The following KMT2C variants were observed in gnomAD, a reference collection of about 807,000 sequenced individuals.
KMT2C encodes histone-lysine N-methyltransferase 2C.
A neutral mutation model predicts 507.9 loss-of-function variants in KMT2C; 88 were observed. The observed-to-expected ratio is 0.17, with a 90% CI of 0.15 to 0.21. KMT2C has a LOEUF of 0.21. Among genes scored for constraint, KMT2C ranks in the 10% least tolerant of loss-of-function variants. The probability of loss-of-function intolerance (pLI) is 1.00; values close to 1 mark genes in which losing one functional copy is unlikely to be tolerated. For synonymous variants in KMT2C, 2,049 were observed against 2,080.8 expected, an observed-to-expected ratio of 0.98 and a Z score of 0.42; for missense variants, 4,954 against 5,957.8, an observed-to-expected ratio of 0.83 and a Z score of 5.55.
chr7:152,410,521 T>C (rs1026705093), intron 1 of KMT2C, among the ~76,000 whole-genome samples: 2 of 152,082 alleles, frequency 1.3e-5, no homozygotes, highest in African/African-American at 4.8e-5. Flanking sequence ...GAGGCTGCAG[T>C]GAGCCGAGAC....
At chr7:152,316,677 T>C (rs1214473356) in intron 3 of KMT2C, among the ~76,000 whole-genome samples, 3 of 152,228 alleles carry the variant, frequency 2.0e-5, no homozygotes, top group Non-Finnish European at 4.4e-5. Flanking sequence ...GGTGACTTTT[T>C]AAAACTTAGG....
chr7:152,135,423 CA>C lies in KMT2C; in HGVS notation c.*1408del. On this transcript the variant is annotated 3_prime_UTR_variant, in exon 59 of 59. Transcript: ENST00000262189. ...GTTTTTTTTATTAAAGAAATGTAAA[CA>C]AACAGTTCATACAAACACATTTTAA... 4.6e-6 allele frequency: 1 copy of C among 217,178 alleles called. No individual in the cohort carries two copies. Among genetic ancestry groups the C allele is most frequent in the Non-Finnish European group, 9.3e-6 (1 of 107,818 alleles). The allele number at this position is 217,178 out of a possible 1,614,324, so 13.5% of individuals were successfully genotyped here. A position where few individuals can be genotyped will look rare whatever the true frequency, so the allele number is the denominator to read the frequency against.
At chr7:152,316,174 G>A (rs1413336133) in intron 3 of KMT2C, among the ~76,000 whole-genome samples, 2 of 152,132 alleles carry the variant, frequency 1.3e-5, no homozygotes, top group East Asian at 1.9e-4. Flanking sequence ...GGAAAGGGAT[G>A]ATTAGGAGCA....
At chr7:152,296,174 A>C (rs977991811) in intron 6 of KMT2C, among the ~76,000 whole-genome samples, 3 of 151,966 alleles carry the variant, frequency 2.0e-5, no homozygotes, top group African/African-American at 7.2e-5. Context: ...CACGCTTATA[A>C]TCCTAGCACT....
intron 10 of KMT2C, 72 bp from the exon 11 acceptor site, chr7:152,252,162 C>A (rs1422798901): frequency 2.8e-6 from 3 of 1,085,198 alleles, no homozygotes; most frequent in Non-Finnish European, 3.9e-6. Flanking sequence ...GAAGGCATTG[C>A]TGAAAAGCTG....
At chr7:152,297,839 A>C (rs1356505976) in intron 6 of KMT2C, among the ~76,000 whole-genome samples, 1 of 152,244 alleles carries the variant, frequency 6.6e-6, no homozygotes, top group Non-Finnish European at 1.5e-5. Context: ...CAAACTGAAA[A>C]TAATCAATCA....
chr7:152,173,968 G>C (rs2093077834), intron 39 of KMT2C, among the ~76,000 whole-genome samples, 163 bp downstream of exon 39: 2 of 152,170 alleles, frequency 1.3e-5, no homozygotes, highest in Non-Finnish European at 2.9e-5. Flanking sequence ...AATTGGTATA[G>C]CATTTTGTAT....
intron 24 of KMT2C, among the ~76,000 whole-genome samples, chr7:152,206,310 C>G (rs538372563): frequency 4.6e-5 from 7 of 151,868 alleles, no homozygotes; most frequent in African/African-American, 1.4e-4. Context: ...ACGGTAAATA[C>G]AAGTTCCTGG....
intron 15 of KMT2C, among the ~76,000 whole-genome samples, chr7:152,237,401 TTC>T (rs2095298177): frequency 6.6e-6 from 1 of 152,224 alleles, no homozygotes; most frequent in Non-Finnish European, 1.5e-5. Context: ...CACTCCTGTC[TTC>T]TCTTACCCTG....
At chr7:152,211,196 G>C (rs912027862) in intron 23 of KMT2C, among the ~76,000 whole-genome samples, 1 of 152,042 alleles carries the variant, frequency 6.6e-6, no homozygotes, top group African/African-American at 2.4e-5. Flanking sequence ...TCATATACTA[G>C]AAACTAAAAG....
intron 52 of KMT2C, among the ~76,000 whole-genome samples, chr7:152,147,753 C>G (rs570145516): frequency 6.7e-6 from 1 of 149,352 alleles, no homozygotes; most frequent in African/African-American, 2.5e-5. Context: ...AAAAGGAGGT[C>G]CCCAATGCAA....
chr7:152,378,592 C>T (rs6977555), intron 1 of KMT2C, among the ~76,000 whole-genome samples: 22,017 of 152,050 alleles, frequency 0.14, 4,192 homozygotes, highest in African/African-American at 0.44. Context: ...TATGGTGATA[C>T]TCACTTTATT....
chr7:152,160,104 T>G (rs1270122442), intron 43 of KMT2C, among the ~76,000 whole-genome samples: 1 of 152,154 alleles, frequency 6.6e-6, no homozygotes, highest in Non-Finnish European at 1.5e-5. Flanking sequence ...CTTTTAAAAT[T>G]CACGGACAAA....
intron 40 of KMT2C, among the ~76,000 whole-genome samples, chr7:152,170,677 A>AC (rs1435232871): frequency 6.6e-6 from 1 of 151,988 alleles, no homozygotes; most frequent in Non-Finnish European, 1.5e-5. Flanking sequence ...TAATTTTTGT[A>AC]TTTTTTGTAG....
At chr7:152,329,970 C>G (rs1396015538) in intron 3 of KMT2C, among the ~76,000 whole-genome samples, 1 of 151,644 alleles carries the variant, frequency 6.6e-6, no homozygotes, top group Non-Finnish European at 1.5e-5. Flanking sequence ...ATGGTGAAAC[C>G]CTGTCTCTAC....
At position 152,199,380 on chromosome 7, in the gene KMT2C, G is replaced by A; in HGVS notation, c.4172C>T (p.Ala1391Val). ...ISLDNLSEDG[A>V]QLLYKTNMNT... ...CATGTTTGTTTTATATAAAAGCTGA[G>A]CTCCATCTTCTGACAGATTATCTAA... The change falls in exon 27 of 59, where the codon GCT (alanine) becomes GTT (valine). Residue 1391 changes from alanine to valine, a missense_variant. Around this residue, in one of 29 missense-constraint regions of KMT2C, gnomAD observed 140 missense variants for 118.4 expected, o/e 1.18. Transcript: ENST00000262189. 1 of 1,603,330 alleles carries A rather than the reference G, an allele frequency of 6.2e-7. No homozygotes were observed. Among genetic ancestry groups the A allele is most frequent in the East Asian group, 2.3e-5 (1 of 44,180 alleles).
intron 24 of KMT2C, among the ~76,000 whole-genome samples, chr7:152,206,401 C>A (rs1333540755): frequency 1.3e-5 from 2 of 152,068 alleles, no homozygotes; most frequent in Non-Finnish European, 2.9e-5. Context: ...TAAAACAATT[C>A]AGAAGCAACT....
chr7:152,255,142 T>TATATATAC (rs1273227523), intron 9 of KMT2C, among the ~76,000 whole-genome samples: 16 of 126,328 alleles, frequency 1.3e-4, no homozygotes, highest in South Asian at 2.4e-4. Flanking sequence ...TATATATATA[T>TATATATAC]ATACATATAT....
intron 1 of KMT2C, among the ~76,000 whole-genome samples, chr7:152,373,725 C>T (rs1234524484): frequency 2.1e-4 from 32 of 152,050 alleles, no homozygotes; most frequent in Admixed American, 2.1e-3. Context: ...ACATCAATAA[C>T]TTTTCTATAC....
Sources: allele counts gnomAD v4.1 joint callset (sites outside exome capture counted in the v4.1 genomes callset), GRCh38; gene constraint gnomAD v4.1.1; regional missense constraint gnomAD v4.1.1; transcripts MANE v1.5; gene names NCBI Gene and HGNC (gene_info 2026-07-23, HGNC 2026-07-21).